The following STON1 variants were observed in gnomAD, a reference collection of about 807,000 sequenced individuals.
STON1 encodes stonin 1.
In STON1, 79 loss-of-function variants were observed where a neutral mutation model predicts 60.9. That is an observed-to-expected ratio of 1.30 (90% CI 1.08 to 1.56). The LOEUF (loss-of-function observed/expected upper bound fraction) is 1.56. Among genes scored for constraint, STON1 ranks in the 40% most tolerant of loss-of-function variants. The pLI is 0.00. For missense variants in STON1, 1,166 were observed against 858.9 expected (o/e 1.36, Z -4.47); for synonymous variants, 363 against 306.9 (o/e 1.18, Z -1.91).
chr2:48,562,289 C>A (rs1005979553), intron 1 of STON1, among the ~76,000 whole-genome samples: 4 of 152,144 alleles, frequency 2.6e-5, no homozygotes, highest in African/African-American at 7.2e-5. Flanking sequence ...GGGATTGAAC[C>A]TTGATATTCT....
chr2:48,554,416 T>A (rs888769270), intron 1 of STON1, among the ~76,000 whole-genome samples: 1 of 151,984 alleles, frequency 6.6e-6, no homozygotes, highest in Non-Finnish European at 1.5e-5. Flanking sequence ...AGAGACGGGG[T>A]TTTACCACGT....
At position 48,565,115 on chromosome 2, in the gene STON1, T is replaced by C. The variant is rs553940090; in HGVS notation, c.-47-15472T>C. Among the ~76,000 whole-genome samples the C allele has an allele frequency of 1.1e-3, 163 of 144,612 alleles. 1 individual carries two copies. The Middle Eastern group carries it at 0.012, about 10-fold the overall frequency. 94.9% of individuals were successfully genotyped at this position (144,612 alleles called of 152,430 possible). ...TCGCCCAGGCTGGAGTGCAGTGGTG[T>C]GATCTCTGCTCACTGCAAGCTCCGC... On this transcript the variant is annotated intron_variant, in intron 1 of 3. Transcript: ENST00000404752.
chr2:48,585,993 C>T (rs1472154660), intron 2 of STON1, among the ~76,000 whole-genome samples: 3 of 152,248 alleles, frequency 2.0e-5, no homozygotes, highest in Non-Finnish European at 4.4e-5. Flanking sequence ...GGGACAAGAG[C>T]ACAGGCTCCC....
At chr2:48,557,022 G>A (rs1368865795) in intron 1 of STON1, among the ~76,000 whole-genome samples, 1 of 91,816 alleles carries the variant, frequency 1.1e-5, no homozygotes, top group African/African-American at 4.2e-5. Flanking sequence ...GGGCGGGGGG[G>A]CTGACCCCCC....
intron 3 of STON1, among the ~76,000 whole-genome samples, chr2:48,592,594 G>A (rs1001549936): frequency 1.1e-5 from 1 of 92,606 alleles, no homozygotes; most frequent in Non-Finnish European, 2.3e-5. Context: ...ACCACACCCA[G>A]CTATTATTAT....
rs1385040101 is a variant in STON1, at chr2:48,556,969, G to T, written c.-47-23618G>T. ...CCGGACGGGGCGGCTGGCCGGGCGG[G>T]GGGCTGACCCCCCCACCTCCCTCCT... On this transcript the variant is annotated intron_variant, in intron 1 of 3. Coordinates refer to ENST00000404752, the MANE Select transcript of STON1 (RefSeq NM_006873.4). Among the ~76,000 whole-genome samples, 21 of 49,026 alleles carry T rather than the reference G, an allele frequency of 4.3e-4. 1 individual carries two copies. The South Asian group carries it at 0.015, about 35-fold the overall frequency. 32.2% of individuals were successfully genotyped at this position (49,026 alleles called of 152,430 possible). A position where few individuals can be genotyped will look rare whatever the true frequency, so the allele number is the denominator to read the frequency against.
At chr2:48,554,366 C>A (rs552603751) in intron 1 of STON1, among the ~76,000 whole-genome samples, 1 of 152,120 alleles carries the variant, frequency 6.6e-6, no homozygotes, top group Non-Finnish European at 1.5e-5. Context: ...GGATTACAGG[C>A]GTGCACCACC....
intron 1 of STON1, among the ~76,000 whole-genome samples, chr2:48,556,864 T>C (rs1572943768): frequency 3.7e-5 from 1 of 26,904 alleles, no homozygotes; most frequent in Non-Finnish European, 6.6e-5. Context: ...CCCATCTCCC[T>C]CCCGGACGGG....
intron 3 of STON1, 118 bp from the exon 4 acceptor site, chr2:48,595,110 C>A: frequency 1.3e-6 from 1 of 780,258 alleles, no homozygotes; most frequent in Non-Finnish European, 2.2e-6. Context: ...AGGGCTGTGT[C>A]TGTGTCCAAA....
intron 1 of STON1, among the ~76,000 whole-genome samples, chr2:48,554,703 C>A (rs1263727838): frequency 7.8e-6 from 1 of 128,208 alleles, no homozygotes; most frequent in African/African-American, 3.2e-5. Flanking sequence ...ACTTTAAGTG[C>A]AAAATTTTTT....
intron 1 of STON1, among the ~76,000 whole-genome samples, chr2:48,566,111 C>T (rs985252325): frequency 6.6e-6 from 1 of 152,162 alleles, no homozygotes; most frequent in Non-Finnish European, 1.5e-5. Context: ...ATAACTATTG[C>T]AACAGGGAAA....
At chr2:48,553,173 C>G (rs1226009697) in intron 1 of STON1, among the ~76,000 whole-genome samples, 5 of 152,176 alleles carry the variant, frequency 3.3e-5, no homozygotes, top group Non-Finnish European at 5.9e-5. Context: ...ACAGCGCCCA[C>G]CAGATCCAAG....
chr2:48,553,195 C>G (rs1672172962), intron 1 of STON1, among the ~76,000 whole-genome samples: 1 of 152,154 alleles, frequency 6.6e-6, no homozygotes, highest in Non-Finnish European at 1.5e-5. Context: ...GGAGGGGAAA[C>G]AGAGTCTTCC....
chr2:48,574,303 G>A (rs114637089), intron 1 of STON1, among the ~76,000 whole-genome samples: 2,645 of 151,854 alleles, frequency 0.017, 33 homozygotes, highest in Middle Eastern at 0.031. Context: ...TTGAACCCTG[G>A]AGGCAAAGGT....
At position 48,581,111 on chromosome 2, in the gene STON1, G is replaced by C; in HGVS notation, c.478G>C (p.Ala160Pro). The C allele has an allele frequency of 6.3e-7, 1 of 1,599,836 alleles. No individual in the cohort carries two copies. The change falls in exon 2 of 4, where the codon GCT (alanine) becomes CCT (proline). Residue 160 changes from alanine (A) to proline (P), a missense_variant. Transcript: ENST00000404752. ...GLPDEVNPQQAESLGFQSDDL... is the reference protein window; with the variant it reads ...GLPDEVNPQQPESLGFQSDDL... ...TCCAGATGAAGTTAATCCTCAACAG[G>C]CTGAAAGCCTAGGATTCCAAAGTGA... is the stretch of plus-strand genomic sequence containing the variant.
chr2:48,585,025 T>C (rs138443317), intron 2 of STON1, among the ~76,000 whole-genome samples: 1 of 152,268 alleles, frequency 6.6e-6, no homozygotes, highest in Non-Finnish European at 1.5e-5. Flanking sequence ...TCTTCATTAA[T>C]GCCAAATTTC....
chr2:48,538,253 G>C (rs546124035), intron 1 of STON1, among the ~76,000 whole-genome samples: 22 of 152,134 alleles, frequency 1.4e-4, no homozygotes, highest in African/African-American at 5.1e-4. Flanking sequence ...CACCGTGCCT[G>C]GCTGGCATAT....
At chr2:48,570,390 T>G (rs1225418068) in intron 1 of STON1, among the ~76,000 whole-genome samples, 1 of 152,152 alleles carries the variant, frequency 6.6e-6, no homozygotes, top group African/African-American at 2.4e-5. Context: ...AAGGGGTGGA[T>G]TGTACAAACT....
intron 1 of STON1, among the ~76,000 whole-genome samples, chr2:48,564,133 G>T (rs1229629902): frequency 6.6e-6 from 1 of 152,072 alleles, no homozygotes; most frequent in Non-Finnish European, 1.5e-5. Flanking sequence ...TTTGACCATG[G>T]GTATTTTCTC....
Sources: gnomAD v4.1 joint callset for allele counts (sites outside exome capture counted in the v4.1 genomes callset) on GRCh38, gnomAD v4.1.1 for gene constraint, MANE v1.5 for transcripts, NCBI Gene and HGNC (gene_info 2026-07-23, HGNC 2026-07-21) for gene names.